The following GABRG3 variants were observed in gnomAD, a reference collection of about 807,000 sequenced individuals.
GABRG3 encodes the protein gamma-aminobutyric acid receptor subunit gamma-3.
A neutral mutation model predicts 48.8 loss-of-function variants in GABRG3; 25 were observed. The observed-to-expected ratio is 0.51, with a 90% CI of 0.37 to 0.72. The LOEUF is 0.72. Among genes scored for constraint, GABRG3 ranks in the 30% least tolerant of loss-of-function variants. GABRG3 has a pLI of 0.00. For synonymous variants in GABRG3, 227 were observed against 217.6 expected (o/e 1.04, Z -0.38); for missense variants, 394 against 577.9 (o/e 0.68, Z 3.26).
At chr15:27,426,737 C>A (rs1359739911) in intron 5 of GABRG3, among the ~76,000 whole-genome samples, 1 of 152,176 alleles carries the variant, frequency 6.6e-6, no homozygotes, top group Non-Finnish European at 1.5e-5. Flanking sequence ...GAGGCTGAGG[C>A]AGGAGGATCA....
At chr15:27,006,350 C>T (rs576607264) in intron 2 of GABRG3, among the ~76,000 whole-genome samples, 74 of 152,104 alleles carry the variant, frequency 4.9e-4, no homozygotes, top group Non-Finnish European at 8.2e-4. Context: ...TACAGGTGCC[C>T]GCCACCATGC....
chr15:27,520,645 TCTTAATAAAACACTAACTTTCAGTAG>T (rs1891138050), intron 7 of GABRG3, among the ~76,000 whole-genome samples: 1 of 140,696 alleles, frequency 7.1e-6, no homozygotes, highest in Non-Finnish European at 1.5e-5. Flanking sequence ...CCCAAAATCT[TCTTAATAAAACACTAACTTTCAGTAG>T]TTTTAGAACT....
rs4435211 is a variant in GABRG3 at position 27,439,517 on chromosome 15, T to C, written c.575-41133T>C. On this transcript the variant is annotated intron_variant, in intron 5 of 9. Transcript: ENST00000615808. Reference sequence around the variant, plus strand: ...CCTCAGAATCATTCCCTACACCATTTCTCAGGTGTTTATGAACTGACATCA... The same window carrying C: ...CCTCAGAATCATTCCCTACACCATTCCTCAGGTGTTTATGAACTGACATCA... 8.1e-3 allele frequency among the ~76,000 whole-genome samples: 1,240 copies of C among 152,236 alleles called. 11 individuals are homozygous for C. The highest frequency in any genetic ancestry group is 0.029 in the African/African-American group (1,192 of 41,532).
At chr15:27,007,078 C>CTT (rs746753196) in intron 2 of GABRG3, among the ~76,000 whole-genome samples, 2 of 141,592 alleles carry the variant, frequency 1.4e-5, no homozygotes, top group Non-Finnish European at 1.5e-5. Context: ...GTGCATGTGT[C>CTT]TTTTTTTTTT....
At chr15:27,308,831 G>T (rs991915179) in intron 3 of GABRG3, among the ~76,000 whole-genome samples, 1 of 149,394 alleles carries the variant, frequency 6.7e-6, no homozygotes, top group African/African-American at 2.4e-5. Context: ...GTAAACATAC[G>T]TTTATATAAA....
intron 5 of GABRG3, chr15:27,341,129 G>C (rs1894161901): frequency 3.5e-6 from 1 of 285,968 alleles, no homozygotes; most frequent in African/African-American, 2.2e-5. Context: ...TTTTTGTTTT[G>C]TTTTGTTTTT....
intron 3 of GABRG3, among the ~76,000 whole-genome samples, chr15:27,088,619 T>A (rs1897129224): frequency 6.6e-6 from 1 of 152,110 alleles, no homozygotes; most frequent in African/African-American, 2.4e-5. Flanking sequence ...AAACTCACAA[T>A]CCTGGTGGAA....
chr15:27,292,400 C>T (rs557536963), intron 3 of GABRG3, among the ~76,000 whole-genome samples: 41 of 151,112 alleles, frequency 2.7e-4, no homozygotes, highest in African/African-American at 9.3e-4. Flanking sequence ...GCATGTTCTG[C>T]ACATGTACCC....
At chr15:27,279,328 C>G (rs906305086) in intron 3 of GABRG3, among the ~76,000 whole-genome samples, 2 of 152,118 alleles carry the variant, frequency 1.3e-5, no homozygotes, top group Non-Finnish European at 2.9e-5. Flanking sequence ...TGTAGAATAG[C>G]TCTTCACCTT....
At chr15:27,407,501 C>G (rs1887673742) in intron 5 of GABRG3, among the ~76,000 whole-genome samples, 1 of 152,190 alleles carries the variant, frequency 6.6e-6, no homozygotes, top group African/African-American at 2.4e-5. Flanking sequence ...ACCCAAAAGC[C>G]TGCACATGGA....
At chr15:27,379,869 C>T (rs934340271) in intron 5 of GABRG3, among the ~76,000 whole-genome samples, 2 of 152,118 alleles carry the variant, frequency 1.3e-5, no homozygotes, top group Non-Finnish European at 2.9e-5. Flanking sequence ...TGATTTACTG[C>T]AGTTTGAATA....
chr15:27,216,452 A>G (rs1253550613), intron 3 of GABRG3, among the ~76,000 whole-genome samples: 1 of 152,204 alleles, frequency 6.6e-6, no homozygotes, highest in African/African-American at 2.4e-5. Context: ...TTCCACAGCT[A>G]CATCTGCAAG....
chr15:27,326,750 A>G, intron 3 of GABRG3, 59 bp from the exon 4 acceptor site: 1 of 1,389,202 alleles, frequency 7.2e-7, no homozygotes, highest in South Asian at 1.2e-5. Context: ...CAAAGAGAAC[A>G]AATTATACAG....
At chr15:27,061,081 A>G (rs1404714066) in intron 3 of GABRG3, among the ~76,000 whole-genome samples, 1 of 152,270 alleles carries the variant, frequency 6.6e-6, no homozygotes, top group Non-Finnish European at 1.5e-5. Context: ...GAGTCTATGA[A>G]GAATGAGGCA....
At chr15:27,407,712 G>T (rs1887679614) in intron 5 of GABRG3, among the ~76,000 whole-genome samples, 2 of 152,158 alleles carry the variant, frequency 1.3e-5, no homozygotes, top group Admixed American at 1.3e-4. Context: ...CCAACTGAAA[G>T]GGCTATAACT....
chr15:27,090,859 T>TA (rs1415200082), intron 3 of GABRG3, among the ~76,000 whole-genome samples: 1 of 152,240 alleles, frequency 6.6e-6, no homozygotes, highest in Non-Finnish European at 1.5e-5. Flanking sequence ...GAGTTGATTT[T>TA]ATATCCTGCA....
chr15:27,353,426 C>CTTTTTATTTATTTATTTATTTATT (rs367835979), intron 5 of GABRG3, among the ~76,000 whole-genome samples: 2 of 146,016 alleles, frequency 1.4e-5, no homozygotes, highest in African/African-American at 5.2e-5. Flanking sequence ...TTCTTTCTTT[C>CTTTTTATTTATTTATTTATTTATT]TATTTATTTA....
chr15:27,132,176 C>T (rs1245142135), intron 3 of GABRG3, among the ~76,000 whole-genome samples: 1 of 151,872 alleles, frequency 6.6e-6, no homozygotes, highest in African/African-American at 2.4e-5. Context: ...ATTGCCTGTG[C>T]TTCTGAAATT....
intron 3 of GABRG3, among the ~76,000 whole-genome samples, chr15:27,067,639 C>T (rs1566925903): frequency 6.6e-6 from 1 of 152,224 alleles, no homozygotes; most frequent in Non-Finnish European, 1.5e-5. Context: ...CACTCCCCTT[C>T]CCTTTCCTGA....
Sources: allele counts gnomAD v4.1 joint callset (sites outside exome capture counted in the v4.1 genomes callset), GRCh38; gene constraint gnomAD v4.1.1; transcripts MANE v1.5; gene names NCBI Gene and HGNC (gene_info 2026-07-23, HGNC 2026-07-21).